The following SPATA13 variants were observed in gnomAD, a reference collection of about 807,000 sequenced individuals.
SPATA13 encodes the protein spermatogenesis associated 13, also known as spermatogenesis-associated protein 13.
Under a neutral mutation model 104.0 loss-of-function variants are expected in SPATA13, and 50 were observed. The ratio of observed to expected loss-of-function variants is 0.48; its 90% CI spans 0.38 to 0.61. SPATA13 has a LOEUF of 0.61. Among genes scored for constraint, SPATA13 ranks in the 20% least tolerant of loss-of-function variants. SPATA13 has a pLI of 0.00. For missense variants in SPATA13, 1,524 were observed against 1,690.6 expected (o/e 0.90, Z 1.73); for synonymous variants, 606 against 667.5 (o/e 0.91, Z 1.42).
At chr13:24,103,502 A>AAAAAAC (rs1880327247) in intron 3 of SPATA13, among the ~76,000 whole-genome samples, 21 of 148,450 alleles carry the variant, frequency 1.4e-4, no homozygotes, top group Non-Finnish European at 4.5e-5. Flanking sequence ...AAAAAAAAAA[A>AAAAAAC]CAAGAAAGAA....
At chr13:23,995,481 A>G in intron 2 of SPATA13, among the ~76,000 whole-genome samples, 1 of 152,234 alleles carries the variant, frequency 6.6e-6, no homozygotes, top group East Asian at 1.9e-4. Flanking sequence ...TGGGAAGGAA[A>G]TAACAGAGGT....
chr13:24,058,154 T>G (rs1449200166), intron 3 of SPATA13, among the ~76,000 whole-genome samples: 1 of 151,944 alleles, frequency 6.6e-6, no homozygotes, highest in Middle Eastern at 3.4e-3. Flanking sequence ...CTACATAAAT[T>G]TAGTTATTGC....
chr13:24,099,813 G>A (rs938315146), intron 3 of SPATA13, among the ~76,000 whole-genome samples: 1 of 152,172 alleles, frequency 6.6e-6, no homozygotes, highest in East Asian at 1.9e-4. Context: ...AAAAAGAAAG[G>A]GATAAGGAGG....
chr13:24,177,730 G>A (rs1356115475), intron 1 of SPATA13, among the ~76,000 whole-genome samples: 1 of 150,836 alleles, frequency 6.6e-6, no homozygotes, highest in Non-Finnish European at 1.5e-5. Context: ...GGGGTTACAG[G>A]CATGAGCCTG....
At chr13:24,121,990 A>C (rs1324090737) in intron 3 of SPATA13, 1 of 1,014,560 alleles carries the variant, frequency 9.9e-7, no homozygotes, top group Non-Finnish European at 1.6e-6. Flanking sequence ...GATAACATGA[A>C]CCACTTCTGG....
intron 1 of SPATA13, among the ~76,000 whole-genome samples, chr13:23,983,152 A>G (rs1301737507): frequency 6.6e-6 from 1 of 152,166 alleles, no homozygotes; most frequent in Non-Finnish European, 1.5e-5. Flanking sequence ...ACAAAACACC[A>G]CAGCCTGGGG....
intron 2 of SPATA13, among the ~76,000 whole-genome samples, chr13:24,227,262 T>C (rs1871997292): frequency 6.6e-6 from 1 of 152,244 alleles, no homozygotes; most frequent in Non-Finnish European, 1.5e-5. Flanking sequence ...TTTTATTTTC[T>C]GCTTAACAGA....
intron 2 of SPATA13, among the ~76,000 whole-genome samples, chr13:24,007,532 C>G (rs1207307067): frequency 6.6e-6 from 1 of 152,224 alleles, no homozygotes; most frequent in Admixed American, 6.5e-5. Context: ...ACTTGGCCCA[C>G]TGCGACCTCT....
At chr13:24,023,392 G>C (rs976079454) in intron 3 of SPATA13, among the ~76,000 whole-genome samples, 4 of 120,340 alleles carry the variant, frequency 3.3e-5, no homozygotes, top group Non-Finnish European at 8.1e-5. Flanking sequence ...AACTGATTTG[G>C]ATACTTTGCT....
At chr13:24,144,800 C>T (rs539615620) in intron 3 of SPATA13, among the ~76,000 whole-genome samples, 9 of 152,290 alleles carry the variant, frequency 5.9e-5, no homozygotes, top group African/African-American at 1.7e-4. Flanking sequence ...TCGTGCAGTA[C>T]GGTATGCTGA....
At chr13:24,006,235 A>G (rs1876221403) in intron 2 of SPATA13, among the ~76,000 whole-genome samples, 1 of 152,212 alleles carries the variant, frequency 6.6e-6, no homozygotes. Flanking sequence ...TTTTTGTATT[A>G]CAAGTTTTCT....
intron 2 of SPATA13, among the ~76,000 whole-genome samples, chr13:24,230,035 G>A (rs1229920711): frequency 6.6e-6 from 1 of 152,216 alleles, no homozygotes. Context: ...TTCTACAGAT[G>A]GTTATGGAGA....
chr13:24,006,414 C>T (rs967747380), intron 2 of SPATA13, among the ~76,000 whole-genome samples: 4 of 152,146 alleles, frequency 2.6e-5, no homozygotes, highest in Non-Finnish European at 5.9e-5. Context: ...AAATGAGCAA[C>T]GGTGTCAGAC....
intron 3 of SPATA13, among the ~76,000 whole-genome samples, chr13:24,121,513 A>G (rs1305069851): frequency 6.6e-6 from 1 of 152,198 alleles, no homozygotes; most frequent in Non-Finnish European, 1.5e-5. Flanking sequence ...ATGACCAATA[A>G]TCTACATAGG....
intron 3 of SPATA13, among the ~76,000 whole-genome samples, chr13:24,092,162 A>G (rs922162904): frequency 3.3e-5 from 5 of 152,222 alleles, no homozygotes; most frequent in Non-Finnish European, 7.4e-5. Context: ...TTAGGGAGGT[A>G]CTTATTCTTC....
At chr13:24,175,523 C>A (rs1373909048) in intron 1 of SPATA13, among the ~76,000 whole-genome samples, 1 of 152,160 alleles carries the variant, frequency 6.6e-6, no homozygotes, top group African/African-American at 2.4e-5. Flanking sequence ...GTCCAGACAG[C>A]TAAACTTGCC....
intron 3 of SPATA13, among the ~76,000 whole-genome samples, chr13:24,064,778 C>T (rs1436339296): frequency 6.6e-6 from 1 of 152,142 alleles, no homozygotes; most frequent in Non-Finnish European, 1.5e-5. Flanking sequence ...AGGTCAATAC[C>T]ACCACTGATG....
At chr13:24,079,074 G>A (rs865897305) in intron 3 of SPATA13, among the ~76,000 whole-genome samples, 1 of 152,206 alleles carries the variant, frequency 6.6e-6, no homozygotes, top group Non-Finnish European at 1.5e-5. Flanking sequence ...CTTGGAGGAG[G>A]TGGTACTGAT....
intron 2 of SPATA13, among the ~76,000 whole-genome samples, chr13:24,013,631 G>T (rs1876577032): frequency 6.6e-6 from 1 of 151,638 alleles, no homozygotes; most frequent in Non-Finnish European, 1.5e-5. Flanking sequence ...TGTTTTGAAA[G>T]AGTAACCTAC....
Sources: gnomAD v4.1 joint callset for allele counts (sites outside exome capture counted in the v4.1 genomes callset) on GRCh38, gnomAD v4.1.1 for gene constraint, MANE v1.5 for transcripts, NCBI Gene and HGNC (gene_info 2026-07-23, HGNC 2026-07-21) for gene names.